The following LRBA variants were observed in gnomAD, a reference collection of about 807,000 sequenced individuals.
LRBA encodes the protein LPS responsive beige-like anchor protein.
A neutral mutation model predicts 330.0 loss-of-function variants in LRBA; 176 were observed. The observed-to-expected ratio is 0.53, with a 90% CI of 0.47 to 0.60. The LOEUF is 0.60. Ranked by LOEUF, LRBA falls within the 20% of genes least tolerant of loss-of-function variation. LRBA has a pLI of 0.00. For missense variants in LRBA, 3,259 were observed against 3,444.8 expected (o/e 0.95, Z 1.35); for synonymous variants, 1,230 against 1,193.0 (o/e 1.03, Z -0.64).
intron 44 of LRBA, among the ~76,000 whole-genome samples, chr4:150,454,443 T>A (rs191427102): frequency 6.6e-6 from 1 of 152,250 alleles, no homozygotes; most frequent in Non-Finnish European, 1.5e-5. Context: ...CAGTTATTAA[T>A]GTTACTAACG....
intron 2 of LRBA, among the ~76,000 whole-genome samples, chr4:151,001,503 T>C (rs1243294457): frequency 1.3e-5 from 2 of 151,984 alleles, no homozygotes; most frequent in Non-Finnish European, 2.9e-5. Flanking sequence ...CCCACTACCA[T>C]TGGCACCTGA....
intron 42 of LRBA, among the ~76,000 whole-genome samples, chr4:150,475,183 G>A (rs1756575277): frequency 6.6e-6 from 1 of 151,770 alleles, no homozygotes. Context: ...CCTAAATTTT[G>A]TTTTAAAAAA....
intron 2 of LRBA, chr4:151,013,726 T>C (rs1009793404): frequency 8.1e-6 from 1 of 123,082 alleles, no homozygotes; most frequent in Non-Finnish European, 1.6e-5. Flanking sequence ...AAAGCATTCA[T>C]AGCTCATCTT....
intron 17 of LRBA, among the ~76,000 whole-genome samples, chr4:150,880,730 A>G (rs1728283073): frequency 6.6e-6 from 1 of 152,216 alleles, no homozygotes. Context: ...TTAGGTACAA[A>G]GAAACTGTCA....
chr4:150,491,209 A>C (rs923173947), intron 40 of LRBA, among the ~76,000 whole-genome samples, 174 bp from the exon 41 acceptor site: 1 of 152,024 alleles, frequency 6.6e-6, no homozygotes, highest in African/African-American at 2.4e-5. Flanking sequence ...ATTTATAGAA[A>C]AGAAGCTTAA....
chr4:150,422,977 T>C (rs1317031056), intron 46 of LRBA: 8 of 780,492 alleles, frequency 1.0e-5, no homozygotes, highest in Non-Finnish European at 1.9e-5. Context: ...GAAGTATTTC[T>C]GGTCCAATGG....
At chr4:150,641,056 T>C (rs4533751) in intron 37 of LRBA, among the ~76,000 whole-genome samples, 119,037 of 152,082 alleles carry the variant, frequency 0.78, 51,276 homozygotes, top group Non-Finnish European at 0.95. Flanking sequence ...CTTCCCATCA[T>C]CATTCCTGTC....
At chr4:150,702,287 T>A (rs1785194106) in intron 36 of LRBA, among the ~76,000 whole-genome samples, 1 of 152,180 alleles carries the variant, frequency 6.6e-6, no homozygotes, top group African/African-American at 2.4e-5. Context: ...GTTTGTCATT[T>A]AACTAATCTT....
At chr4:150,994,832 A>C (rs1742466016) in intron 2 of LRBA, among the ~76,000 whole-genome samples, 1 of 152,220 alleles carries the variant, frequency 6.6e-6, no homozygotes, top group South Asian at 2.1e-4. Flanking sequence ...TAAAACAAAA[A>C]TAGTATTTTT....
At chr4:150,809,887 TACGATAC>T (rs2126731936) in intron 31 of LRBA, among the ~76,000 whole-genome samples, 1 of 148,598 alleles carries the variant, frequency 6.7e-6, no homozygotes, top group East Asian at 2.0e-4. Flanking sequence ...TACGATACGA[TACGATAC>T]GATACGATAC....
intron 2 of LRBA, among the ~76,000 whole-genome samples, chr4:150,981,804 C>CA (rs1446018981): frequency 2.6e-5 from 4 of 151,686 alleles, no homozygotes; most frequent in African/African-American, 4.8e-5. Context: ...ACTAAAAATA[C>CA]AAAAAATTAG....
chr4:150,413,651 A>G (rs1205668012), intron 47 of LRBA, among the ~76,000 whole-genome samples: 2 of 152,212 alleles, frequency 1.3e-5, no homozygotes, highest in Non-Finnish European at 2.9e-5. Flanking sequence ...AAAGAGGCCC[A>G]AGGAAACTTT....
At chr4:150,301,043 T>C (rs981589386) in intron 53 of LRBA, among the ~76,000 whole-genome samples, 3 of 152,004 alleles carry the variant, frequency 2.0e-5, no homozygotes, top group Non-Finnish European at 4.4e-5. Context: ...TTGAGATAAA[T>C]AGCAAAATGG....
chr4:150,533,698 G>A (rs1764293415), intron 40 of LRBA, among the ~76,000 whole-genome samples: 1 of 152,096 alleles, frequency 6.6e-6, no homozygotes, highest in South Asian at 2.1e-4. Context: ...GACAGCCCTG[G>A]AGGGACGCTG....
In LRBA at chr4:150,265,006, A is replaced by ATGT. The variant is rs1051875860; in HGVS notation, c.*713_*715dup. The stretch of plus-strand genomic sequence containing the variant: ...TGCATTTACTTTAAAAGAAAAACAA[A>ATGT]TGTTGTGAGCTCAAGAGCATTTCCA... On this transcript the variant is annotated 3_prime_UTR_variant, in exon 57 of 57. Coordinates refer to ENST00000651943, the MANE Select transcript of LRBA (RefSeq NM_001364905.1). 5 of 152,672 alleles carry ATGT rather than the reference A, an allele frequency of 3.3e-5. No homozygotes were observed. The highest frequency in any genetic ancestry group is 2.0e-4 in the Admixed American group (3 of 15,288). The allele number at this position is 152,672 out of a possible 1,614,324, so 9.5% of individuals were successfully genotyped here.
chr4:150,815,126 T>G (rs1217936639), intron 31 of LRBA, among the ~76,000 whole-genome samples: 2 of 151,984 alleles, frequency 1.3e-5, no homozygotes, highest in Non-Finnish European at 2.9e-5. Flanking sequence ...TTTCTGAAAC[T>G]ACATTTGATT....
At chr4:150,680,142 A>C (rs1288698001) in intron 37 of LRBA, among the ~76,000 whole-genome samples, 1 of 152,080 alleles carries the variant, frequency 6.6e-6, no homozygotes, top group Non-Finnish European at 1.5e-5. Context: ...TGCTTATTCC[A>C]CTATTCTTAT....
chr4:150,692,641 A>G (rs1784243331), intron 36 of LRBA, among the ~76,000 whole-genome samples: 1 of 152,216 alleles, frequency 6.6e-6, no homozygotes, highest in Non-Finnish European at 1.5e-5. Flanking sequence ...TGAGGAAGAG[A>G]CAGATAACCA....
At chr4:150,386,200 C>T (rs559193212) in intron 47 of LRBA, among the ~76,000 whole-genome samples, 27 of 151,850 alleles carry the variant, frequency 1.8e-4, no homozygotes, top group African/African-American at 6.3e-4. Flanking sequence ...CATAACTCTC[C>T]AAATGATACT....
Sources: gnomAD v4.1 joint callset for allele counts (sites outside exome capture counted in the v4.1 genomes callset) on GRCh38, gnomAD v4.1.1 for gene constraint, MANE v1.5 for transcripts, NCBI Gene and HGNC (gene_info 2026-07-23, HGNC 2026-07-21) for gene names.